The following ALKBH8 variants were observed in gnomAD, a reference collection of about 807,000 sequenced individuals.
ALKBH8 encodes the protein alkB homolog 8, tRNA methyltransferase, also known as tRNA (carboxymethyluridine(34)-5-O)-methyltransferase ALKBH8.
ALKBH8 carries 36 observed loss-of-function variants against 59.8 expected under a neutral mutation model. That is an observed-to-expected ratio of 0.60 (90% CI 0.46 to 0.79). ALKBH8 has a LOEUF of 0.79. Among genes scored for constraint, ALKBH8 ranks in the 30% least tolerant of loss-of-function variants. ALKBH8 has a pLI of 0.00. For synonymous variants in ALKBH8, 276 were observed against 273.6 expected, an observed-to-expected ratio of 1.01 and a Z score of -0.09; for missense variants, 768 against 801.0, an observed-to-expected ratio of 0.96 and a Z score of 0.50.
intron 7 of ALKBH8, 133 bp downstream of exon 7, chr11:107,549,620 C>A: frequency 1.7e-6 from 1 of 586,500 alleles, no homozygotes; most frequent in Non-Finnish European, 2.7e-6. Context: ...TAAAAGAAAC[C>A]AAAGTGCTAA....
Position 107,522,496 on chromosome 11 carries a change from C to T in ALKBH8, c.1090G>A (p.Asp364Asn), listed in dbSNP as rs948408312. The T allele has an allele frequency of 1.9e-6, 3 of 1,551,712 alleles. No homozygotes were observed. Among genetic ancestry groups the T allele is most frequent in the Non-Finnish European group, 1.7e-6 (2 of 1,146,974 alleles). ...KETPPSFPES[D>N]KEASRLEQEY... ...TGCTCCAGCCGTGAGGCTTCTTTAT[C>T]ACTCTCTGGAAATGAGGGGGGAGTC... The change falls in exon 10 of 12, where the codon GAT becomes AAT. Residue 364 changes from aspartate to asparagine, a missense_variant. Asp to Asn is a conservative substitution (Grantham distance 23). Coordinates refer to ENST00000428149, the MANE Select transcript of ALKBH8 (RefSeq NM_138775.3).
chr11:107,520,526 C>G (rs1278414275), intron 10 of ALKBH8, among the ~76,000 whole-genome samples: 1 of 152,118 alleles, frequency 6.6e-6, no homozygotes, highest in Non-Finnish European at 1.5e-5. Context: ...GGATTATCAA[C>G]AAGAAAGTGC....
chr11:107,516,558 G>A (rs1374246346), intron 10 of ALKBH8, among the ~76,000 whole-genome samples: 1 of 152,018 alleles, frequency 6.6e-6, no homozygotes, highest in East Asian at 1.9e-4. Context: ...ATAATTTTTT[G>A]GATATGACCC....
intron 7 of ALKBH8, among the ~76,000 whole-genome samples, chr11:107,534,033 G>A (rs1424809354): frequency 6.6e-6 from 1 of 152,134 alleles, no homozygotes; most frequent in Non-Finnish European, 1.5e-5. Context: ...AGGAGGCTGA[G>A]GCAGGGGAAT....
At position 107,551,866 on chromosome 11, in the gene ALKBH8, T is replaced by C. The variant is rs769430904; in HGVS notation, c.642A>G (p.Lys214=). The change falls in exon 6 of 12, where the codon AAA becomes AAG. Residue 214 remains lysine (K), a synonymous_variant. Coordinates refer to ENST00000428149, the MANE Select transcript of ALKBH8 (RefSeq NM_138775.3). ...GATCAGGTTTATGTTTAATGTAACCTTTCCTCAACCATTTCTCCAAAAAGC... is the reference window on the plus strand; with the variant it reads ...GATCAGGTTTATGTTTAATGTAACCCTTCCTCAACCATTTCTCCAAAAAGC... The part of the protein sequence containing the change: ...CESFLEKWLR[K]GYIKHKPDQM... 7 of 1,557,684 alleles carry C rather than the reference T, an allele frequency of 4.5e-6. No individual in the cohort carries two copies. The highest frequency in any genetic ancestry group is 5.0e-5 in the East Asian group (2 of 40,094).
chr11:107,518,745 T>C (rs1048940582), intron 10 of ALKBH8, among the ~76,000 whole-genome samples: 4 of 152,218 alleles, frequency 2.6e-5, no homozygotes, highest in Non-Finnish European at 4.4e-5. Flanking sequence ...AGGGACACTT[T>C]TAGTTAATTG....
intron 7 of ALKBH8, among the ~76,000 whole-genome samples, chr11:107,546,137 T>A (rs684139): frequency 0.02 from 2,986 of 152,316 alleles, 94 homozygotes; most frequent in African/African-American, 0.067. Context: ...ATCATCTTCA[T>A]AAATTTTAGT....
At chr11:107,536,119 C>T (rs1035496040) in intron 7 of ALKBH8, among the ~76,000 whole-genome samples, 6 of 152,192 alleles carry the variant, frequency 3.9e-5, no homozygotes, top group African/African-American at 9.7e-5. Context: ...ATAAGGCAAA[C>T]GCCAAGCTGT....
At position 107,556,943 on chromosome 11, in the gene ALKBH8, C is replaced by G. The variant is rs952514661; in HGVS notation, c.190G>C (p.Val64Leu). Residue 64 changes from valine (V) to leucine (L), a missense_variant, in exon 3 of 12, where the codon GTT (valine) becomes CTT (leucine). Transcript: ENST00000428149. ...TCCACCAGTCCACATTTCTCTAAAA[C>G]CGGGAGCAGCTGGTTCCGACTCACA... ...NGVSRNQLLP[V>L]LEKCGLVDAL... is the part of the protein sequence containing the mutation. 8.7e-6 allele frequency: 14 copies of G among 1,610,852 alleles called. No individual in the cohort carries two copies. The African/African-American group carries it at 1.7e-4, about 20-fold the overall frequency.
chr11:107,537,568 G>T (rs567117333), intron 7 of ALKBH8, among the ~76,000 whole-genome samples: 24 of 152,180 alleles, frequency 1.6e-4, no homozygotes, highest in African/African-American at 5.8e-4. Context: ...GGGGTGGTGG[G>T]GGAAGGGAGA....
rs768954087 is a variant in ALKBH8, at chr11:107,504,944, G to A, written c.1709C>T (p.Ser570Leu). The change falls in exon 12 of 12, where the codon TCA becomes TTA. Residue 570 changes from serine to leucine, a missense_variant. Ser to Leu is a moderately radical substitution (Grantham distance 145). Coordinates refer to ENST00000428149, the MANE Select transcript of ALKBH8 (RefSeq NM_138775.3). ...INDSQEGGCN[S>L]RQVSNSKLPV... ...CAGCTTGGAATTAGAAACTTGCCTT[G>A]AATTACATCCTCCTTCCTGAGAGTC... 4.1e-5 allele frequency: 64 copies of A among 1,551,794 alleles called. No homozygotes were observed. Among genetic ancestry groups the A allele is most frequent in the Non-Finnish European group, 5.4e-5 (62 of 1,146,982 alleles).
At chr11:107,519,627 C>T (rs1863024073) in intron 10 of ALKBH8, among the ~76,000 whole-genome samples, 1 of 152,278 alleles carries the variant, frequency 6.6e-6, no homozygotes, top group South Asian at 2.1e-4. Flanking sequence ...TTTGGAATAT[C>T]TGCAGAATAC....
chr11:107,560,868 T>C lies in ALKBH8; in HGVS notation c.26A>G (p.Tyr9Cys), dbSNP rs759458719. The part of the protein sequence containing the change: MDSNHQSN[Y>C]KLSKTEKKFL... ...CTTCTTCTCAGTTTTACTGAGTTTGTAATTACTTTGATGGTTGCTGTCCAT... is the reference window on the plus strand; with the variant it reads ...CTTCTTCTCAGTTTTACTGAGTTTGCAATTACTTTGATGGTTGCTGTCCAT... The change falls in exon 2 of 12, where the codon TAC becomes TGC. Residue 9 changes from tyrosine (Y) to cysteine (C), a missense_variant. Coordinates refer to ENST00000428149, the MANE Select transcript of ALKBH8 (RefSeq NM_138775.3). 2 of 1,612,742 alleles carry C rather than the reference T, an allele frequency of 1.2e-6. No homozygotes were observed. The highest frequency in any genetic ancestry group is 2.7e-5 in the African/African-American group (2 of 74,856).
chr11:107,552,745 T>C (rs1864548290), intron 5 of ALKBH8, among the ~76,000 whole-genome samples: 1 of 152,170 alleles, frequency 6.6e-6, no homozygotes, highest in South Asian at 2.1e-4. Flanking sequence ...CTTGAGAAAC[T>C]CTTGCACAGG....
chr11:107,545,382 AC>A (rs1864207139), intron 7 of ALKBH8, among the ~76,000 whole-genome samples: 1 of 152,192 alleles, frequency 6.6e-6, no homozygotes, highest in Non-Finnish European at 1.5e-5. Context: ...GACTAAAAAA[AC>A]CCATTCAGCT....
At chr11:107,522,643 T>C (rs1243840067) in intron 9 of ALKBH8, 88 bp from the exon 10 acceptor site, 2 of 1,391,628 alleles carry the variant, frequency 1.4e-6, no homozygotes, top group African/African-American at 2.9e-5. Flanking sequence ...AAAAAATCAA[T>C]GCAAATTTGG....
intron 10 of ALKBH8, among the ~76,000 whole-genome samples, chr11:107,519,703 G>A (rs1236389771): frequency 1.3e-5 from 2 of 152,054 alleles, no homozygotes; most frequent in Non-Finnish European, 2.9e-5. Context: ...CATCTCCTTT[G>A]AGCATCATGT....
rs1862294522 is a variant in ALKBH8 at position 107,504,554 on chromosome 11, C to T, written c.*104G>A. 3 of 1,437,232 alleles carry T rather than the reference C, an allele frequency of 2.1e-6. No homozygotes were observed. Among genetic ancestry groups the T allele is most frequent in the South Asian group, 1.2e-5 (1 of 81,344 alleles). 89.0% of individuals were successfully genotyped at this position (1,437,232 alleles called of 1,614,324 possible). On this transcript the variant is annotated 3_prime_UTR_variant, in exon 12 of 12. Coordinates refer to ENST00000428149, the MANE Select transcript of ALKBH8 (RefSeq NM_138775.3). Reference sequence around the variant, plus strand: ...AATTTTTCTCAGCTTTCCTTTGGTACTTTCCCACAAGTTTTCTCTTTAATT... The same window carrying T: ...AATTTTTCTCAGCTTTCCTTTGGTATTTTCCCACAAGTTTTCTCTTTAATT...
intron 7 of ALKBH8, among the ~76,000 whole-genome samples, chr11:107,538,262 T>C (rs966055941): frequency 6.6e-6 from 1 of 152,128 alleles, no homozygotes; most frequent in Non-Finnish European, 1.5e-5. Context: ...TAAAATTAAA[T>C]GTAGACTTCC....
Sources: allele counts gnomAD v4.1 joint callset (sites outside exome capture counted in the v4.1 genomes callset), GRCh38; gene constraint gnomAD v4.1.1; transcripts MANE v1.5; gene names NCBI Gene and HGNC (gene_info 2026-07-23, HGNC 2026-07-21).